The following DOCK2 variants were observed in gnomAD, a reference collection of about 807,000 sequenced individuals.
The protein encoded by DOCK2 is dedicator of cytokinesis protein 2.
A neutral mutation model predicts 248.9 loss-of-function variants in DOCK2; 87 were observed. The ratio of observed to expected loss-of-function variants is 0.35; its 90% CI spans 0.29 to 0.42. The LOEUF (loss-of-function observed/expected upper bound fraction) is 0.42, where lower values mean the gene tolerates loss of function less well. Among genes scored for constraint, DOCK2 ranks in the 10% least tolerant of loss-of-function variants. DOCK2 has a pLI of 1.00. For missense variants in DOCK2, 1,747 were observed against 2,300.2 expected (o/e 0.76, Z 4.92); for synonymous variants, 805 against 821.6 (o/e 0.98, Z 0.35).
chr5:169,813,903 G>A (rs1767907524), intron 26 of DOCK2, among the ~76,000 whole-genome samples: 1 of 152,212 alleles, frequency 6.6e-6, no homozygotes, highest in African/African-American at 2.4e-5. Context: ...ATCCCAAAAT[G>A]TGGGGAAGGT....
chr5:169,766,865 T>C (rs1356216797), intron 25 of DOCK2, among the ~76,000 whole-genome samples: 1 of 152,202 alleles, frequency 6.6e-6, no homozygotes, highest in African/African-American at 2.4e-5. Flanking sequence ...CCTCCTGGGT[T>C]CAAGAGATTC....
intron 27 of DOCK2, among the ~76,000 whole-genome samples, chr5:169,923,807 T>C (rs758140597): frequency 3.2e-4 from 49 of 152,354 alleles, no homozygotes; most frequent in Admixed American, 2.0e-3. Context: ...TTTGCATAGA[T>C]GTTATGCAAC....
At chr5:170,001,292 G>A (rs1276055022) in intron 30 of DOCK2, among the ~76,000 whole-genome samples, 2 of 152,014 alleles carry the variant, frequency 1.3e-5, no homozygotes, top group Non-Finnish European at 1.5e-5. Flanking sequence ...AATGATTCAA[G>A]GTCACTGAGA....
intron 10 of DOCK2, among the ~76,000 whole-genome samples, chr5:169,696,191 C>T (rs970160037): frequency 3.3e-5 from 5 of 152,156 alleles, no homozygotes; most frequent in South Asian, 2.1e-4. Context: ...CCGGGGCCGT[C>T]TGAGCAGTTG....
intron 25 of DOCK2, among the ~76,000 whole-genome samples, chr5:169,773,824 C>A (rs1200876119): frequency 6.6e-6 from 1 of 152,006 alleles, no homozygotes; most frequent in Non-Finnish European, 1.5e-5. Flanking sequence ...GGGCAGTTTC[C>A]CTTATACTGT....
At chr5:169,969,707 G>GAGAACA (rs569437418) in intron 27 of DOCK2, among the ~76,000 whole-genome samples, 1,860 of 152,228 alleles carry the variant, frequency 0.012, 44 homozygotes, top group African/African-American at 0.042. Context: ...AACTAGGTGG[G>GAGAACA]GTGACCAACT....
intron 27 of DOCK2, among the ~76,000 whole-genome samples, chr5:169,952,680 C>A (rs1215386719): frequency 6.6e-6 from 1 of 152,150 alleles, no homozygotes; most frequent in Non-Finnish European, 1.5e-5. Context: ...TTTTCCTAAT[C>A]CCGTGGATAT....
chr5:169,856,969 C>A (rs1770930044), intron 27 of DOCK2, among the ~76,000 whole-genome samples: 1 of 152,190 alleles, frequency 6.6e-6, no homozygotes, highest in Non-Finnish European at 1.5e-5. Context: ...ATATAGTATA[C>A]TTACGGATTC....
chr5:169,655,462 G>A (rs1758054778), intron 2 of DOCK2, among the ~76,000 whole-genome samples: 1 of 152,168 alleles, frequency 6.6e-6, no homozygotes, highest in African/African-American at 2.4e-5. Flanking sequence ...GTCCTTTCAT[G>A]GGGAAAGGCG....
At chr5:170,061,705 T>G (rs1757333105) in intron 44 of DOCK2, among the ~76,000 whole-genome samples, 1 of 152,234 alleles carries the variant, frequency 6.6e-6, no homozygotes, top group African/African-American at 2.4e-5. Context: ...TTTGGGAATC[T>G]AAAAATAGTT....
At chr5:169,714,907 G>A (rs1761818138) in intron 19 of DOCK2, among the ~76,000 whole-genome samples, 2 of 152,088 alleles carry the variant, frequency 1.3e-5, no homozygotes, top group African/African-American at 2.4e-5. Context: ...GTTGTCATAT[G>A]TTGATATATA....
chr5:169,864,169 G>GC lies in DOCK2; in HGVS notation c.2799+23320dup. The GC allele has an allele frequency of 2.8e-6, 3 of 1,055,838 alleles. No individual in the cohort carries two copies. The South Asian group carries it at 4.3e-5, about 15-fold the overall frequency. The allele number at this position is 1,055,838 out of a possible 1,614,324, so 65.4% of individuals were successfully genotyped here. On this transcript the variant is annotated intron_variant, in intron 27 of 51. Coordinates refer to ENST00000520908, the MANE Select transcript of DOCK2 (RefSeq NM_004946.3). Reference sequence around the variant, plus strand: ...TGTTTCACAGGCCAAGGGGCTCACAGCCCAGGGCCTTTGCAAAGAAGCAGG... The same window carrying GC: ...TGTTTCACAGGCCAAGGGGCTCACAGCCCCAGGGCCTTTGCAAAGAAGCAGG...
intron 27 of DOCK2, among the ~76,000 whole-genome samples, chr5:169,968,343 G>A (rs1423765088): frequency 6.6e-6 from 1 of 152,106 alleles, no homozygotes; most frequent in Non-Finnish European, 1.5e-5. Context: ...TAGGAGTCCA[G>A]CCACTCCCCT....
chr5:169,904,566 C>A (rs534216064), intron 27 of DOCK2, among the ~76,000 whole-genome samples: 1 of 152,018 alleles, frequency 6.6e-6, no homozygotes, highest in African/African-American at 2.4e-5. Flanking sequence ...AGAGTGCTGG[C>A]GACCTCAGCA....
Position 169,921,894 on chromosome 5 carries a change from C to G in DOCK2, c.2800-61174C>G, listed in dbSNP as rs116563233. 7.5e-3 allele frequency among the ~76,000 whole-genome samples: 1,141 copies of G among 152,270 alleles called. 16 individuals carry two copies. The highest frequency in any genetic ancestry group is 0.026 in the African/African-American group (1,091 of 41,542). On this transcript the variant is annotated intron_variant, in intron 27 of 51. Transcript: ENST00000520908. ...TACTGAAGGAACATAGTAAATAATA[C>G]TGTGATAGCCCCTTGACAGTAGAAA...
intron 32 of DOCK2, among the ~76,000 whole-genome samples, chr5:170,017,802 C>T (rs567538446): frequency 6.6e-6 from 1 of 152,304 alleles, no homozygotes; most frequent in South Asian, 2.1e-4. Flanking sequence ...AGAGTTGGTG[C>T]CCTTAACCAC....
chr5:169,808,944 G>A (rs1364850942), intron 26 of DOCK2, among the ~76,000 whole-genome samples: 2 of 151,992 alleles, frequency 1.3e-5, no homozygotes, highest in Admixed American at 6.6e-5. Flanking sequence ...CTAAACCTGG[G>A]TGGGGGGCTA....
At position 170,034,429 on chromosome 5, in the gene DOCK2, C is replaced by T. The variant is rs1241601244; in HGVS notation, c.3498C>T (p.Thr1166=). The change falls in exon 35 of 52, where the codon ACC becomes ACT. Residue 1166 remains threonine (T), a synonymous_variant. Coordinates refer to ENST00000520908, the MANE Select transcript of DOCK2 (RefSeq NM_004946.3). ...ILMECAAEHP[T]IAKSVENFVN... ...TGGAATGTGCTGCAGAGCACCCAAC[C>T]ATTGCCAAGTCGGTGGAGAACTTCG... 6.2e-7 allele frequency: 1 copy of T among 1,614,180 alleles called. No homozygotes were observed. Among genetic ancestry groups the T allele is most frequent in the Non-Finnish European group, 8.5e-7 (1 of 1,180,018 alleles).
intron 22 of DOCK2, among the ~76,000 whole-genome samples, chr5:169,732,746 A>G (rs1762848264): frequency 6.6e-6 from 1 of 151,974 alleles, no homozygotes; most frequent in South Asian, 2.1e-4. Flanking sequence ...TCACCCTCTC[A>G]CATGTGGAAT....
Sources: gnomAD v4.1 joint callset for allele counts (sites outside exome capture counted in the v4.1 genomes callset) on GRCh38, gnomAD v4.1.1 for gene constraint, MANE v1.5 for transcripts, NCBI Gene and HGNC (gene_info 2026-07-23, HGNC 2026-07-21) for gene names.